Variants in MYOZ3 observed in about 807,000 individuals in gnomAD.
MYOZ3 encodes the protein myozenin-3.
A neutral mutation model predicts 26.5 loss-of-function variants in MYOZ3; 19 were observed. The observed-to-expected ratio is 0.72, with a 90% CI of 0.50 to 1.05. The LOEUF (loss-of-function observed/expected upper bound fraction) is 1.05. Among genes scored for constraint, MYOZ3 ranks in the 50% least tolerant of loss-of-function variants. The probability of loss-of-function intolerance (pLI) is 0.00; values close to 1 mark genes in which losing one functional copy is unlikely to be tolerated. For synonymous variants in MYOZ3, 135 were observed against 138.8 expected (o/e 0.97, Z 0.19); for missense variants, 322 against 337.1 (o/e 0.96, Z 0.35).
chr5:150,672,616 A>G, intron 6 of MYOZ3, 114 bp downstream of exon 6: 1 of 1,275,204 alleles, frequency 7.8e-7, no homozygotes, highest in Non-Finnish European at 1.1e-6. Context: ...CTCTGTCCCC[A>G]GCGCTTTCTA....
chr5:150,662,753 G>A (rs1421536618), intron 1 of MYOZ3, among the ~76,000 whole-genome samples, 188 bp from the exon 2 acceptor site: 1 of 152,164 alleles, frequency 6.6e-6, no homozygotes, highest in Non-Finnish European at 1.5e-5. Flanking sequence ...CCTCCCTCTC[G>A]TTCCCTGGGC....
At chr5:150,674,879 A>C (rs1215990819) in intron 6 of MYOZ3, among the ~76,000 whole-genome samples, 1 of 152,120 alleles carries the variant, frequency 6.6e-6, no homozygotes, top group Non-Finnish European at 1.5e-5. Flanking sequence ...GCTTCTTGGC[A>C]CACACTTGTA....
rs1758755438 is a variant in MYOZ3 at position 150,662,874 on chromosome 5, G to T, written c.-1-67G>T. 3.5e-6 allele frequency: 5 copies of T among 1,416,590 alleles called. No individual in the cohort carries two copies. The Admixed American group carries it at 8.7e-5, about 25-fold the overall frequency. The allele number at this position is 1,416,590 out of a possible 1,614,324, so 87.8% of individuals were successfully genotyped here. On this transcript the variant is annotated intron_variant, in intron 1 of 6. Coordinates refer to ENST00000517768, the MANE Select transcript of MYOZ3 (RefSeq NM_001122853.3). The stretch of plus-strand genomic sequence containing the variant: ...CAGGACTGGGGCAGGGTGAACCAGA[G>T]ACTGGAAGGAGGTCTGGGGAGAAAT...
chr5:150,669,707 G>A (rs967028477), intron 2 of MYOZ3, among the ~76,000 whole-genome samples: 1 of 116,764 alleles, frequency 8.6e-6, no homozygotes, highest in African/African-American at 3.3e-5. Flanking sequence ...GTGCAGCAAT[G>A]CAATCTCGGC....
At chr5:150,673,045 C>G (rs1288367163) in intron 6 of MYOZ3, 1 of 153,110 alleles carries the variant, frequency 6.5e-6, no homozygotes, top group African/African-American at 2.4e-5. Context: ...TGAGGCTGCC[C>G]CAAAGTGGAG....
At chr5:150,673,631 C>T (rs982931724) in intron 6 of MYOZ3, among the ~76,000 whole-genome samples, 2 of 152,160 alleles carry the variant, frequency 1.3e-5, no homozygotes, top group Non-Finnish European at 2.9e-5. Flanking sequence ...TGAGCCACCG[C>T]CCCCGGCGTA....
chr5:150,674,864 G>T (rs1292941834), intron 6 of MYOZ3, among the ~76,000 whole-genome samples: 1 of 152,014 alleles, frequency 6.6e-6, no homozygotes, highest in Non-Finnish European at 1.5e-5. Context: ...ACAAAAATTA[G>T]CTGGGCTTCT....
intron 2 of MYOZ3, 141 bp from the exon 3 acceptor site, chr5:150,670,343 T>G (rs1758881903): frequency 1.0e-6 from 1 of 969,622 alleles, no homozygotes; most frequent in Non-Finnish European, 1.4e-6. Context: ...GGCAAAGATT[T>G]CAAACAATCA....
intron 2 of MYOZ3, among the ~76,000 whole-genome samples, chr5:150,665,587 A>G (rs13358839): frequency 0.14 from 21,185 of 151,900 alleles, 2,773 homozygotes; most frequent in African/African-American, 0.35. Context: ...AGTCAAATAG[A>G]TTTTATCTTT....
chr5:150,661,057 C>T (rs1015994340), upstream of MYOZ3: 1 of 152,534 alleles, frequency 6.6e-6, no homozygotes, highest in Non-Finnish European at 1.5e-5. Flanking sequence ...AAGCTACCAG[C>T]AGCTGACCCT....
At position 150,678,057 on chromosome 5, in the gene MYOZ3, TAAGGA is replaced by T; in HGVS notation, c.*1185_*1189del. ...AGGGCCAGCATGGGGTGGGCTTCAC[TAAGGA>T]AATGGGGAAGGTTTTAGTGATGGGT... On this transcript the variant is annotated 3_prime_UTR_variant, in exon 7 of 7. Coordinates refer to ENST00000517768, the MANE Select transcript of MYOZ3 (RefSeq NM_001122853.3). 1 of 152,606 alleles carries T rather than the reference TAAGGA, an allele frequency of 6.6e-6. No individual in the cohort carries two copies. The highest frequency in any genetic ancestry group is 1.5e-5 in the Non-Finnish European group (1 of 68,328). The allele number at this position is 152,606 out of a possible 1,614,324, so 9.5% of individuals were successfully genotyped here.
intron 6 of MYOZ3, among the ~76,000 whole-genome samples, chr5:150,675,964 A>T (rs149887996): frequency 6.6e-6 from 1 of 152,352 alleles, no homozygotes; most frequent in African/African-American, 2.4e-5. Flanking sequence ...CATCTCACCA[A>T]CTTTGCCCAG....
intron 6 of MYOZ3, among the ~76,000 whole-genome samples, chr5:150,675,535 T>G (rs113146270): frequency 0.088 from 13,336 of 151,954 alleles, 1,816 homozygotes; most frequent in African/African-American, 0.29. Context: ...ACCATGCCCA[T>G]CTAATTTTTG....
rs1219406223 is a variant in MYOZ3 at position 150,677,721 on chromosome 5, GAA to G, written c.*849_*850del. On this transcript the variant is annotated 3_prime_UTR_variant, in exon 7 of 7. Transcript: ENST00000517768. ...ACTGCCAGGCCCGGGCCTCGAGGAG[GAA>G]AAGACAGTAGGGAAGACATTATAGA... 4 of 152,238 alleles carry G rather than the reference GAA, an allele frequency of 2.6e-5. No individual in the cohort carries two copies. The highest frequency in any genetic ancestry group is 1.9e-4 in the East Asian group (1 of 5,216). 9.4% of individuals were successfully genotyped at this position (152,238 alleles called of 1,614,324 possible).
chr5:150,666,630 A>AAAAT (rs1554113786), intron 2 of MYOZ3, among the ~76,000 whole-genome samples: 8 of 123,050 alleles, frequency 6.5e-5, no homozygotes, highest in South Asian at 5.2e-4. Context: ...AAAAAAAAAA[A>AAAAT]ATATATATAT....
intron 1 of MYOZ3, 140 bp from the exon 2 acceptor site, chr5:150,662,801 C>A: frequency 1.4e-6 from 1 of 715,062 alleles, no homozygotes; most frequent in Non-Finnish European, 2.4e-6. Flanking sequence ...AAGTCCCTTC[C>A]AGCTCAGACA....
rs1758878719 is a variant in MYOZ3, at chr5:150,670,119, C to T, written c.62-365C>T. On this transcript the variant is annotated intron_variant, in intron 2 of 6. Coordinates refer to ENST00000517768, the MANE Select transcript of MYOZ3 (RefSeq NM_001122853.3). ...AGGCCAGAAACCTTGCAGTCATCCT[C>T]TCTCACTCATTGCCCATACCCATGG... 1.8e-5 allele frequency: 3 copies of T among 164,422 alleles called. No homozygotes were observed. In the South Asian group the frequency reaches 5.6e-4, roughly 31 times the overall value. The allele number at this position is 164,422 out of a possible 1,614,324, so 10.2% of individuals were successfully genotyped here. A position where few individuals can be genotyped will look rare whatever the true frequency, so the allele number is the denominator to read the frequency against.
At chr5:150,673,589 C>T (rs928060642) in intron 6 of MYOZ3, among the ~76,000 whole-genome samples, 15 of 152,198 alleles carry the variant, frequency 9.9e-5, no homozygotes, top group African/African-American at 3.4e-4. Flanking sequence ...ATCCACCCGC[C>T]TTTGCCTCCC....
chr5:150,661,725 C>A (rs756332318), intron 1 of MYOZ3, among the ~76,000 whole-genome samples: 3 of 152,124 alleles, frequency 2.0e-5, no homozygotes, highest in African/African-American at 7.2e-5. Flanking sequence ...AATGAGAGAC[C>A]CTTCCCAGCA....
Sources: gnomAD v4.1 joint callset for allele counts (sites outside exome capture counted in the v4.1 genomes callset) on GRCh38, gnomAD v4.1.1 for gene constraint, MANE v1.5 for transcripts, NCBI Gene and HGNC (gene_info 2026-07-23, HGNC 2026-07-21) for gene names.